NRG2: variants seen among roughly 807,000 people sequenced by gnomAD.
The protein encoded by NRG2 is pro-neuregulin-2, membrane-bound isoform.
In NRG2, 27 loss-of-function variants were observed where a neutral mutation model predicts 73.9. The ratio of observed to expected loss-of-function variants is 0.37; its 90% CI spans 0.27 to 0.50. The LOEUF (loss-of-function observed/expected upper bound fraction) is 0.50, where lower values mean the gene tolerates loss of function less well. Among genes scored for constraint, NRG2 ranks in the 20% least tolerant of loss-of-function variants. The pLI is 0.96. For synonymous variants in NRG2, 532 were observed against 541.0 expected (o/e 0.98, Z 0.23); for missense variants, 1,126 against 1,210.1 (o/e 0.93, Z 1.03).
intron 1 of NRG2, among the ~76,000 whole-genome samples, chr5:139,918,995 C>A (rs889099732): frequency 1.3e-5 from 2 of 152,120 alleles, no homozygotes; most frequent in African/African-American, 4.8e-5. Flanking sequence ...CAACAAGTAG[C>A]AAACACTGAA....
intron 1 of NRG2, among the ~76,000 whole-genome samples, chr5:140,017,694 A>G (rs1449043623): frequency 2.0e-5 from 3 of 152,210 alleles, no homozygotes; most frequent in African/African-American, 7.2e-5. Context: ...AATGCATATG[A>G]GAAGAGAAGA....
At chr5:139,985,479 C>G (rs1169834524) in intron 1 of NRG2, among the ~76,000 whole-genome samples, 1 of 152,156 alleles carries the variant, frequency 6.6e-6, no homozygotes, top group Non-Finnish European at 1.5e-5. Context: ...TTTGCTGCCC[C>G]TCCCGAAACA....
chr5:140,030,172 G>A (rs890670787), intron 1 of NRG2, among the ~76,000 whole-genome samples: 1 of 152,114 alleles, frequency 6.6e-6, no homozygotes, highest in African/African-American at 2.4e-5. Flanking sequence ...GGAAGGATTA[G>A]GCTGTTATTT....
chr5:139,972,398 T>A (rs899034917), intron 1 of NRG2, among the ~76,000 whole-genome samples: 1 of 152,182 alleles, frequency 6.6e-6, no homozygotes, highest in African/African-American at 2.4e-5. Context: ...TGATAATGTT[T>A]ACCATATTAA....
chr5:139,896,698 T>A (rs946298682), intron 1 of NRG2, among the ~76,000 whole-genome samples: 8 of 152,180 alleles, frequency 5.3e-5, no homozygotes, highest in Non-Finnish European at 7.4e-5. Context: ...TCTCTTGACT[T>A]TCCCCAAAGG....
intron 1 of NRG2, among the ~76,000 whole-genome samples, chr5:140,041,071 T>C (rs1761878279): frequency 1.3e-5 from 2 of 152,108 alleles, no homozygotes; most frequent in African/African-American, 2.4e-5. Flanking sequence ...CCAAAAATCA[T>C]AGGTATCGAT....
At chr5:139,983,361 A>C (rs1029281846) in intron 1 of NRG2, among the ~76,000 whole-genome samples, 1 of 152,224 alleles carries the variant, frequency 6.6e-6, no homozygotes, top group Non-Finnish European at 1.5e-5. Flanking sequence ...TGCGTCTGAG[A>C]GTGGTCCTCA....
intron 3 of NRG2, 68 bp downstream of exon 3, chr5:139,880,788 G>T: frequency 8.3e-7 from 1 of 1,211,346 alleles, no homozygotes. Flanking sequence ...GGCCCCAAGG[G>T]CTGGGGGGCC....
At chr5:139,854,701 A>G (rs1192291557) in intron 6 of NRG2, among the ~76,000 whole-genome samples, 1 of 152,228 alleles carries the variant, frequency 6.6e-6, no homozygotes, top group East Asian at 1.9e-4. Flanking sequence ...CTCAGTCCCC[A>G]GAATGGTGGC....
chr5:139,964,376 A>T (rs1197463889), intron 1 of NRG2, among the ~76,000 whole-genome samples: 1 of 151,718 alleles, frequency 6.6e-6, no homozygotes. Flanking sequence ...ACACACACAC[A>T]CACACACACA....
At chr5:139,895,899 C>T (rs1037415310) in intron 1 of NRG2, among the ~76,000 whole-genome samples, 2 of 152,354 alleles carry the variant, frequency 1.3e-5, no homozygotes, top group Middle Eastern at 6.8e-3. Flanking sequence ...CCCAGGAGAA[C>T]CTTCTGTGGA....
Position 139,885,496 on chromosome 5 carries a change from G to A in NRG2, c.872+1844C>T, listed in dbSNP as rs142801180. On this transcript the variant is annotated intron_variant, in intron 2 of 9. Coordinates refer to ENST00000361474, the MANE Select transcript of NRG2 (RefSeq NM_004883.3). ...AAGAGTGAGTGGAGGACGAGAGTGCGCAGTCAGTGGGCATGAGGCTAGCTC... is the reference window on the plus strand; with the variant it reads ...AAGAGTGAGTGGAGGACGAGAGTGCACAGTCAGTGGGCATGAGGCTAGCTC... Among the ~76,000 whole-genome samples the A allele has an allele frequency of 9.2e-5, 14 of 152,312 alleles. No homozygotes were observed. In the East Asian group the frequency reaches 1.4e-3, roughly 15 times the overall value.
intron 1 of NRG2, among the ~76,000 whole-genome samples, chr5:139,947,772 T>C (rs775796809): frequency 1.3e-5 from 2 of 152,228 alleles, no homozygotes; most frequent in Non-Finnish European, 2.9e-5. Context: ...TATATCATTG[T>C]GGTTCTGATT....
chr5:140,006,654 G>T (rs531288307), intron 1 of NRG2, among the ~76,000 whole-genome samples: 1 of 152,260 alleles, frequency 6.6e-6, no homozygotes, highest in East Asian at 1.9e-4. Context: ...ATTAAGATAT[G>T]ATCCTGATTT....
intron 1 of NRG2, among the ~76,000 whole-genome samples, chr5:140,005,234 A>C (rs1048940070): frequency 1.3e-5 from 2 of 152,214 alleles, no homozygotes; most frequent in South Asian, 2.1e-4. Context: ...CCTCCTGTGA[A>C]CATCAAAGGA....
At chr5:140,020,894 A>G (rs990219976) in intron 1 of NRG2, among the ~76,000 whole-genome samples, 1 of 152,192 alleles carries the variant, frequency 6.6e-6, no homozygotes, top group African/African-American at 2.4e-5. Flanking sequence ...GAGTAGGGTG[A>G]GTACATCTCG....
intron 9 of NRG2, 82 bp from the exon 10 acceptor site, chr5:139,848,779 G>GGGGGGGT: frequency 5.0e-6 from 1 of 198,600 alleles, no homozygotes; most frequent in Non-Finnish European, 1.0e-5. Flanking sequence ...GGTAGGGTGG[G>GGGGGGGT]AGGGGCGGAC....
intron 1 of NRG2, among the ~76,000 whole-genome samples, chr5:139,921,135 C>T (rs774496969): frequency 3.3e-5 from 5 of 152,168 alleles, no homozygotes; most frequent in African/African-American, 7.2e-5. Flanking sequence ...TGTTCATAGA[C>T]GCAAAGACTC....
chr5:140,004,485 C>T (rs1245300760), intron 1 of NRG2, among the ~76,000 whole-genome samples: 1 of 152,154 alleles, frequency 6.6e-6, no homozygotes, highest in Non-Finnish European at 1.5e-5. Context: ...AGCAGATCAA[C>T]AAGGTTATTG....
Sources: allele counts gnomAD v4.1 joint callset (sites outside exome capture counted in the v4.1 genomes callset), GRCh38; gene constraint gnomAD v4.1.1; transcripts MANE v1.5; gene names NCBI Gene and HGNC (gene_info 2026-07-23, HGNC 2026-07-21).